The following IL2RA variants were observed in gnomAD, a reference collection of about 807,000 sequenced individuals.
IL2RA encodes the protein interleukin-2 receptor subunit alpha.
In IL2RA, 24 loss-of-function variants were observed where a neutral mutation model predicts 37.8. The observed-to-expected ratio is 0.63, with a 90% CI of 0.46 to 0.89. The LOEUF is 0.89. IL2RA is among the 40% of genes least tolerant of loss of function. The pLI, the probability that IL2RA is intolerant of heterozygous loss-of-function variation, is 0.00. For synonymous variants in IL2RA, 125 were observed against 114.6 expected, an observed-to-expected ratio of 1.09 and a Z score of -0.58; for missense variants, 319 against 348.6, an observed-to-expected ratio of 0.92 and a Z score of 0.68.
intron 1 of IL2RA, among the ~76,000 whole-genome samples, chr10:6,059,750 T>A (rs3118470): frequency 4.3e-4 from 66 of 151,970 alleles, no homozygotes; most frequent in Non-Finnish European, 9.1e-4. Flanking sequence ...TGGAATCTCA[T>A]TGATGGAAAT....
At position 6,029,772 on chromosome 10, in the gene IL2RA, T is replaced by G. The variant is rs888143701; in HGVS notation, c.65-3747A>C. Among the ~76,000 whole-genome samples the G allele has an allele frequency of 6.6e-6, 1 of 152,166 alleles. No homozygotes were observed. Among genetic ancestry groups the G allele is most frequent in the Non-Finnish European group, 1.5e-5 (1 of 68,028 alleles). Reference sequence around the variant, plus strand: ...CAGGCTGGAGTGCAGTGGCACAATCTTGGCTCACTGAAACCTCTGCCTCCC... The same window carrying G: ...CAGGCTGGAGTGCAGTGGCACAATCGTGGCTCACTGAAACCTCTGCCTCCC... On this transcript the variant is annotated intron_variant, in intron 1 of 7. Transcript: ENST00000379959. The surrounding 1 kb of genome is among the most constrained non-coding windows in gnomAD (Gnocchi z 4.6).
At chr10:6,040,785 T>C (rs1839758977) in intron 1 of IL2RA, among the ~76,000 whole-genome samples, 1 of 152,172 alleles carries the variant, frequency 6.6e-6, no homozygotes, top group Non-Finnish European at 1.5e-5. Context: ...CATACAATTG[T>C]TGGAAAAAGA....
Position 6,055,618 on chromosome 10 carries a change from C to T in IL2RA, c.64+6470G>A, listed in dbSNP as rs1164618188. 2.2e-4 allele frequency among the ~76,000 whole-genome samples: 7 copies of T among 31,364 alleles called. 3 individuals are homozygous for T. The highest frequency in any genetic ancestry group is 1.1e-3 in the Non-Finnish European group (7 of 6,422). 20.6% of individuals were successfully genotyped at this position (31,364 alleles called of 152,430 possible). A position where few individuals can be genotyped will look rare whatever the true frequency, so the allele number is the denominator to read the frequency against. ...ATGTCTACCTCTCTCTACACAGACACGGCAACCATCCGATTTCTCAATCTT... is the reference window on the plus strand; with the variant it reads ...ATGTCTACCTCTCTCTACACAGACATGGCAACCATCCGATTTCTCAATCTT... On this transcript the variant is annotated intron_variant, in intron 1 of 7. Coordinates refer to ENST00000379959, the MANE Select transcript of IL2RA (RefSeq NM_000417.3).
In IL2RA at chr10:6,015,381, G is replaced by A. The variant is rs747362410; in HGVS notation, c.795-2485C>T. On this transcript the variant is annotated intron_variant, in intron 7 of 7. Coordinates refer to ENST00000379959, the MANE Select transcript of IL2RA (RefSeq NM_000417.3). This position sits in a 1 kb window ranked among gnomAD's most constrained non-coding sequence, Gnocchi z 4.9. ...GTGCTGGGATTACAAGCGTGAGTCTGGCCAGCTTCCCTGATTCTTAATGCT... is the reference window on the plus strand; with the variant it reads ...GTGCTGGGATTACAAGCGTGAGTCTAGCCAGCTTCCCTGATTCTTAATGCT... Among the ~76,000 whole-genome samples the A allele has an allele frequency of 1.8e-4, 27 of 152,060 alleles. No individual in the cohort carries two copies. Among genetic ancestry groups the A allele is most frequent in the South Asian group, 4.2e-4 (2 of 4,818 alleles).
At chr10:6,023,329 CT>C (rs1564543089) in intron 3 of IL2RA, among the ~76,000 whole-genome samples, 3 of 151,808 alleles carry the variant, frequency 2.0e-5, no homozygotes, top group African/African-American at 4.8e-5. Context: ...GGTTTTTTTT[CT>C]TTTTTGTTTT....
At position 6,054,225 on chromosome 10, in the gene IL2RA, T is replaced by A. The variant is rs1264029613; in HGVS notation, c.64+7863A>T. Among the ~76,000 whole-genome samples the A allele has an allele frequency of 6.6e-6, 1 of 151,652 alleles. No individual in the cohort carries two copies. The highest frequency in any genetic ancestry group is 1.5e-5 in the Non-Finnish European group (1 of 67,974). ...CCGGGGAACTGGTTGGGTGTGGGAG[T>A]GGGAGAATGGGCTGTCAGGACAAAA... On this transcript the variant is annotated intron_variant, in intron 1 of 7. Transcript: ENST00000379959. The surrounding 1 kb of genome is among the most constrained non-coding windows in gnomAD (Gnocchi z 4.5).
Position 6,058,283 on chromosome 10 carries a change from G to A in IL2RA, c.64+3805C>T, listed in dbSNP as rs973324734. ...TTCTATATTAGCACCTCTAACTGAC[G>A]CATTCGTGAAACTCATTCTTTTGGT... On this transcript the variant is annotated intron_variant, in intron 1 of 7. Transcript: ENST00000379959. This position sits in a 1 kb window ranked among gnomAD's most constrained non-coding sequence, Gnocchi z 4.2. Among the ~76,000 whole-genome samples the A allele has an allele frequency of 3.9e-5, 6 of 152,136 alleles. No individual in the cohort carries two copies. The highest frequency in any genetic ancestry group is 1.4e-4 in the African/African-American group (6 of 41,408).
At position 6,024,351 on chromosome 10, in the gene IL2RA, G is replaced by A; in HGVS notation, c.260C>T (p.Thr87Ile). ...DNQCQCTSSA[T>I]RNTTKQVTPQ... The stretch of plus-strand genomic sequence containing the variant: ...TGTCACTTGTTTCGTTGTGTTCCGA[G>A]TGGCTAGAAAATATAGATGGAATGA... Residue 87 changes from threonine (T) to isoleucine (I), a missense_variant, in exon 3 of 8, where the codon ACT (threonine) becomes ATT (isoleucine). Coordinates refer to ENST00000379959, the MANE Select transcript of IL2RA (RefSeq NM_000417.3). 4 of 1,606,410 alleles carry A rather than the reference G, an allele frequency of 2.5e-6. No homozygotes were observed. The highest frequency in any genetic ancestry group is 3.4e-6 in the Non-Finnish European group (4 of 1,172,932).
rs1839818429 is a variant in IL2RA at position 6,044,375 on chromosome 10, A to G, written c.64+17713T>C. On this transcript the variant is annotated intron_variant, in intron 1 of 7. Transcript: ENST00000379959. This position sits in a 1 kb window ranked among gnomAD's most constrained non-coding sequence, Gnocchi z 4.5. The stretch of plus-strand genomic sequence containing the variant: ...GGCGACCACATAGGCAGAGAGTAGT[A>G]GGTCAGGGCAGTTTTGCATTCATAT... Among the ~76,000 whole-genome samples, 1 of 152,234 alleles carries G rather than the reference A, an allele frequency of 6.6e-6. No individual in the cohort carries two copies. Among genetic ancestry groups the G allele is most frequent in the African/African-American group, 2.4e-5 (1 of 41,454 alleles).
rs1043309001 is a variant in IL2RA at position 6,044,875 on chromosome 10, G to A, written c.64+17213C>T. 1.1e-4 allele frequency among the ~76,000 whole-genome samples: 17 copies of A among 152,350 alleles called. No homozygotes were observed. The East Asian group carries it at 2.9e-3, about 26-fold the overall frequency. On this transcript the variant is annotated intron_variant, in intron 1 of 7. Transcript: ENST00000379959. This position sits in a 1 kb window ranked among gnomAD's most constrained non-coding sequence, Gnocchi z 4.5. ...GTAGGTTCTGAATGAGTAGTTGAGTGTATTAGCATTAGCACTGGTGCTGTT... is the reference window on the plus strand; with the variant it reads ...GTAGGTTCTGAATGAGTAGTTGAGTATATTAGCATTAGCACTGGTGCTGTT...
At position 6,026,002 on chromosome 10, in the gene IL2RA, C is replaced by T; in HGVS notation, c.88G>A (p.Glu30Lys). Residue 30 changes from glutamate to lysine, a missense_variant, in exon 2 of 8, where the codon GAG becomes AAG. Glu to Lys is a moderately conservative substitution (Grantham distance 56). Transcript: ENST00000379959. ...GCTTTGAATGTGGCGTGTGGGATCT[C>T]TGGCGGGTCATCGTCACAGAGCTCT... The part of the protein sequence containing the change: ...QAELCDDDPP[E>K]IPHATFKAMA... 1.2e-6 allele frequency: 2 copies of T among 1,613,432 alleles called. No individual in the cohort carries two copies. Among genetic ancestry groups the T allele is most frequent in the Non-Finnish European group, 8.5e-7 (1 of 1,180,036 alleles).
chr10:6,042,169 T>TATTATAAATAAGAGTTTA, intron 1 of IL2RA, among the ~76,000 whole-genome samples: 1 of 5,650 alleles, frequency 1.8e-4, no homozygotes, highest in East Asian at 9.4e-3. Flanking sequence ...AAAAAAAAAA[T>TATTATAAATAAGAGTTTA]TCTGATCAGT....
In IL2RA at chr10:6,048,689, C is replaced by T. The variant is rs1265118233; in HGVS notation, c.64+13399G>A. On this transcript the variant is annotated intron_variant, in intron 1 of 7. Transcript: ENST00000379959. This position sits in a 1 kb window ranked among gnomAD's most constrained non-coding sequence, Gnocchi z 5.3. The stretch of plus-strand genomic sequence containing the variant: ...AATGCCCTATGGGTTTGCCTTTCTG[C>T]TTCCCTTCATTCTTCACATAAACCC... Among the ~76,000 whole-genome samples the T allele has an allele frequency of 6.6e-6, 1 of 152,238 alleles. No individual in the cohort carries two copies. The highest frequency in any genetic ancestry group is 2.4e-5 in the African/African-American group (1 of 41,456).
At position 6,012,917 on chromosome 10, in the gene IL2RA, C is replaced by T. The variant is rs1421675529; in HGVS notation, c.795-21G>A. On this transcript the variant is annotated intron_variant, in intron 7 of 7. Transcript: ENST00000379959. The surrounding 1 kb of genome is among the most constrained non-coding windows in gnomAD (Gnocchi z 4.8). The stretch of plus-strand genomic sequence containing the variant: ...TCCTCCTGTAGTGGTGTAACAAAGT[C>T]ACGGTCATATGTGTAACACGGCACC... The T allele has an allele frequency of 3.1e-6, 5 of 1,613,410 alleles. No homozygotes were observed. Among genetic ancestry groups the T allele is most frequent in the Non-Finnish European group, 4.2e-6 (5 of 1,179,456 alleles).
rs1229054368 is a variant in IL2RA, at chr10:6,037,376, A to T, written c.65-11351T>A. 2.0e-5 allele frequency among the ~76,000 whole-genome samples: 3 copies of T among 152,252 alleles called. No individual in the cohort carries two copies. In the East Asian group the frequency reaches 5.8e-4, roughly 29 times the overall value. ...AGATGTGGACCGAGTCTGAGATAAG[A>T]TTCTTTGCCCCTTGGGTGAATCCAG... On this transcript the variant is annotated intron_variant, in intron 1 of 7. Transcript: ENST00000379959.
intron 1 of IL2RA, among the ~76,000 whole-genome samples, chr10:6,034,770 T>G (rs1356790747): frequency 6.6e-6 from 1 of 152,202 alleles, no homozygotes; most frequent in Admixed American, 6.5e-5. Context: ...CCAATGGGTC[T>G]TCTCAACATA....
intron 1 of IL2RA, 174 bp from the exon 2 acceptor site, chr10:6,026,199 T>C: frequency 1.5e-6 from 1 of 684,468 alleles, no homozygotes; most frequent in South Asian, 1.8e-5. Context: ...GAAAGCTTTG[T>C]ATCAGAGCTG....
At chr10:6,062,024 G>T in intron 1 of IL2RA, 64 bp downstream of exon 1, 1 of 1,338,538 alleles carries the variant, frequency 7.5e-7, no homozygotes, top group Non-Finnish European at 1.1e-6. Flanking sequence ...CTCTGGTTCT[G>T]TGGCTGGGAA....
intron 1 of IL2RA, among the ~76,000 whole-genome samples, chr10:6,059,086 G>A (rs562229781): frequency 1.3e-5 from 2 of 152,362 alleles, no homozygotes; most frequent in African/African-American, 4.8e-5. Context: ...AGTCTGTGAT[G>A]AGATGGTTTC....
Sources: allele counts gnomAD v4.1 joint callset (sites outside exome capture counted in the v4.1 genomes callset), GRCh38; gene constraint gnomAD v4.1.1; non-coding constraint Gnocchi (gnomAD v3.1); transcripts MANE v1.5; gene names NCBI Gene and HGNC (gene_info 2026-07-23, HGNC 2026-07-21).